ANLN: variants seen among roughly 807,000 people sequenced by gnomAD.
ANLN encodes the protein anillin.
ANLN carries 59 observed loss-of-function variants against 135.1 expected under a neutral mutation model. The observed-to-expected ratio is 0.44, with a 90% CI of 0.35 to 0.54. The LOEUF (loss-of-function observed/expected upper bound fraction) is 0.54. ANLN is among the 20% of genes least tolerant of loss of function. The pLI, the probability that ANLN is intolerant of heterozygous loss-of-function variation, is 0.00. For synonymous variants in ANLN, 406 were observed against 456.4 expected (o/e 0.89, Z 1.41); for missense variants, 1,182 against 1,340.0 (o/e 0.88, Z 1.84).
intron 23 of ANLN, among the ~76,000 whole-genome samples, chr7:36,451,611 G>T (rs947654605): frequency 6.6e-6 from 1 of 152,182 alleles, no homozygotes; most frequent in African/African-American, 2.4e-5. Flanking sequence ...ACAGTTTCCA[G>T]TACATGGAAT....
At chr7:36,420,106 T>G in intron 10 of ANLN, 63 bp from the exon 11 acceptor site, 1 of 1,493,524 alleles carries the variant, frequency 6.7e-7, no homozygotes, top group Middle Eastern at 1.8e-4. Flanking sequence ...TTCATTGATT[T>G]TCACAGAATA....
At chr7:36,425,579 C>T in intron 17 of ANLN, 123 bp from the exon 18 acceptor site, 2 of 602,764 alleles carry the variant, frequency 3.3e-6, no homozygotes, top group Non-Finnish European at 5.3e-6. Context: ...CAGGCGTGAG[C>T]CACTGCTCCC....
At chr7:36,418,824 G>T (rs1315777893) in intron 9 of ANLN, among the ~76,000 whole-genome samples, 1 of 151,766 alleles carries the variant, frequency 6.6e-6, no homozygotes, top group Non-Finnish European at 1.5e-5. Context: ...CACAATCTGG[G>T]CTCACTGCAA....
intron 12 of ANLN, 73 bp downstream of exon 12, chr7:36,420,817 C>G (rs1266527876): frequency 2.2e-5 from 33 of 1,505,774 alleles, no homozygotes; most frequent in Non-Finnish European, 3.0e-5. Context: ...GGACAAAGGG[C>G]CCAGCCTTAC....
intron 21 of ANLN, among the ~76,000 whole-genome samples, chr7:36,442,359 A>G (rs1788808492): frequency 6.6e-6 from 1 of 152,198 alleles, no homozygotes; most frequent in Non-Finnish European, 1.5e-5. Context: ...ATCAGAGGGC[A>G]GCACAGCAGC....
intron 1 of ANLN, among the ~76,000 whole-genome samples, chr7:36,392,974 T>A (rs559787720): frequency 6.6e-6 from 1 of 152,182 alleles, no homozygotes; most frequent in African/African-American, 2.4e-5. Context: ...ATATAGCAAT[T>A]GAAAAATTAC....
chr7:36,426,819 C>A, intron 19 of ANLN, 97 bp from the exon 20 acceptor site: 1 of 575,908 alleles, frequency 1.7e-6, no homozygotes, highest in Non-Finnish European at 2.9e-6. Flanking sequence ...TTCTCTGTGG[C>A]AGCTTAATTT....
intron 9 of ANLN, 127 bp from the exon 10 acceptor site, chr7:36,419,117 T>C: frequency 1.6e-6 from 1 of 622,060 alleles, no homozygotes; most frequent in Non-Finnish European, 2.7e-6. Flanking sequence ...TTTTTCTTTT[T>C]AGGAGGTGCT....
At chr7:36,403,627 A>T (rs2116557798) in intron 3 of ANLN, 1 of 152,196 alleles carries the variant, frequency 6.6e-6, no homozygotes, top group African/African-American at 2.4e-5. Flanking sequence ...GCGGTAGTTA[A>T]AGAGGATGTA....
chr7:36,447,024 A>G (rs1179027277), intron 22 of ANLN, among the ~76,000 whole-genome samples: 2 of 152,186 alleles, frequency 1.3e-5, no homozygotes, highest in African/African-American at 2.4e-5. Flanking sequence ...GCATGAAACC[A>G]TAGATAAGTA....
intron 14 of ANLN, among the ~76,000 whole-genome samples, chr7:36,423,208 A>G (rs985484017): frequency 5.9e-5 from 9 of 152,118 alleles, no homozygotes; most frequent in African/African-American, 2.2e-4. Context: ...AGGGCTAGAC[A>G]TAGGTGAGAA....
chr7:36,395,655 G>A (rs1786662406), intron 1 of ANLN, among the ~76,000 whole-genome samples: 1 of 152,054 alleles, frequency 6.6e-6, no homozygotes, highest in Admixed American at 6.6e-5. Flanking sequence ...TCATGATTCA[G>A]TGGGTCAACA....
Position 36,420,514 on chromosome 7 carries a change from T to A in ANLN, c.2016-83T>A, listed in dbSNP as rs1787832363. 3.8e-6 allele frequency: 5 copies of A among 1,317,610 alleles called. No homozygotes were observed. The Admixed American group carries it at 9.4e-5, about 25-fold the overall frequency. The allele number at this position is 1,317,610 out of a possible 1,614,324, so 81.6% of individuals were successfully genotyped here. ...TCTGCTGACATGTTCAATATCAGTG[T>A]CAAATTCTGCTGATATGTTCAATAA... On this transcript the variant is annotated intron_variant, in intron 11 of 23. Coordinates refer to ENST00000265748, the MANE Select transcript of ANLN (RefSeq NM_018685.5).
intron 11 of ANLN, 30 bp downstream of exon 11, chr7:36,420,344 A>G (rs370485223): frequency 6.2e-7 from 1 of 1,608,144 alleles, no homozygotes; most frequent in African/African-American, 1.3e-5. Flanking sequence ...GCATTCACTC[A>G]CTAAGGGTCA....
rs147238219 is a variant in ANLN, at chr7:36,446,832, T to C, written c.3079-2833T>C. 5.0e-3 allele frequency among the ~76,000 whole-genome samples: 758 copies of C among 152,328 alleles called. 6 individuals are homozygous for C. The highest frequency in any genetic ancestry group is 0.018 in the African/African-American group (735 of 41,560). ...ATGTGTATCAAGATGTCATTATATG[T>C]GTAGGTTTATTTTTAGGCTCACGGT... On this transcript the variant is annotated intron_variant, in intron 22 of 23. Coordinates refer to ENST00000265748, the MANE Select transcript of ANLN (RefSeq NM_018685.5).
intron 11 of ANLN, 28 bp downstream of exon 11, chr7:36,420,342 T>G: frequency 2.5e-6 from 4 of 1,607,900 alleles, no homozygotes; most frequent in Non-Finnish European, 3.4e-6. Flanking sequence ...AGGCATTCAC[T>G]CACTAAGGGT....
intron 7 of ANLN, 136 bp from the exon 8 acceptor site, chr7:36,415,622 C>T (rs1005664789): frequency 2.1e-6 from 2 of 961,096 alleles, no homozygotes; most frequent in Non-Finnish European, 2.9e-6. Context: ...GGCCTATTCA[C>T]ATACACTATC....
At chr7:36,435,645 G>C (rs7791515) in intron 20 of ANLN, among the ~76,000 whole-genome samples, 1 of 151,632 alleles carries the variant, frequency 6.6e-6, no homozygotes, top group South Asian at 2.1e-4. Context: ...AGGCCGAGGC[G>C]GGCGGATCAC....
intron 4 of ANLN, among the ~76,000 whole-genome samples, chr7:36,407,353 T>A (rs898570686): frequency 6.6e-6 from 1 of 152,214 alleles, no homozygotes; most frequent in African/African-American, 2.4e-5. Context: ...AAGTACATGA[T>A]ACTATTTTGT....
Sources: allele counts gnomAD v4.1 joint callset (sites outside exome capture counted in the v4.1 genomes callset), GRCh38; gene constraint gnomAD v4.1.1; transcripts MANE v1.5; gene names NCBI Gene and HGNC (gene_info 2026-07-23, HGNC 2026-07-21).